The following CLPTM1L variants were observed in gnomAD, a reference collection of about 807,000 sequenced individuals.
CLPTM1L encodes CLPTM1 like.
Under a neutral mutation model 70.9 loss-of-function variants are expected in CLPTM1L, and 38 were observed. The observed-to-expected ratio is 0.54, with a 90% CI of 0.41 to 0.70. The LOEUF (loss-of-function observed/expected upper bound fraction) is 0.70. Among genes scored for constraint, CLPTM1L ranks in the 30% least tolerant of loss-of-function variants. The pLI is 0.00. For missense variants in CLPTM1L, 652 were observed against 705.9 expected (o/e 0.92, Z 0.87); for synonymous variants, 339 against 299.9 (o/e 1.13, Z -1.35).
rs866887290 is a variant in CLPTM1L at position 1,332,134 on chromosome 5, A to C, written c.892-251T>G. 6.0e-6 allele frequency: 3 copies of C among 501,850 alleles called. No homozygotes were observed. The East Asian group carries it at 1.0e-4, about 17-fold the overall frequency. The allele number at this position is 501,850 out of a possible 1,614,324, so 31.1% of individuals were successfully genotyped here. Reference sequence around the variant, plus strand: ...ACGTACCTTTGACTTGAACTGCTGGAAAGGCCCCCAGGCAATTGGAGGCTC... The same window carrying C: ...ACGTACCTTTGACTTGAACTGCTGGCAAGGCCCCCAGGCAATTGGAGGCTC... On this transcript the variant is annotated intron_variant, in intron 7 of 16. Transcript: ENST00000320895.
At chr5:1,327,614 G>A (rs977500636) in intron 9 of CLPTM1L, among the ~76,000 whole-genome samples, 1 of 149,084 alleles carries the variant, frequency 6.7e-6, no homozygotes. Context: ...ATTTCATCCA[G>A]CTCCTCCTCT....
At chr5:1,329,739 ACT>A (rs539432511) in intron 9 of CLPTM1L, among the ~76,000 whole-genome samples, 1 of 81,352 alleles carries the variant, frequency 1.2e-5, no homozygotes, top group South Asian at 4.0e-4. Flanking sequence ...GAGCCTCAGG[ACT>A]CTCTGCCTGG....
rs1184685800 is a variant in CLPTM1L, at chr5:1,330,463, G to T, written c.977-80C>A. On this transcript the variant is annotated intron_variant, in intron 8 of 16. Coordinates refer to ENST00000320895, the MANE Select transcript of CLPTM1L (RefSeq NM_030782.5). ...TCCCCAAGTCACACACATACCCCCA[G>T]TCCCCCATCCCAACCCACCACGCCC... The T allele has an allele frequency of 5.2e-6, 6 of 1,152,982 alleles. No individual in the cohort carries two copies. In the African/African-American group the frequency reaches 6.1e-5, roughly 12 times the overall value. 71.4% of individuals were successfully genotyped at this position (1,152,982 alleles called of 1,614,324 possible).
Position 1,331,896 on chromosome 5 carries a change from C to CA in CLPTM1L, c.892-14dup. On this transcript the variant is annotated splice_polypyrimidine_tract_variant and intron_variant, in intron 7 of 16. Coordinates refer to ENST00000320895, the MANE Select transcript of CLPTM1L (RefSeq NM_030782.5). Reference sequence around the variant, plus strand: ...AATCAAAGAGAAGCTAGAGAGAACACACACGACAGCAACTCACATCTCCTG... The same window carrying CA: ...AATCAAAGAGAAGCTAGAGAGAACACAACACGACAGCAACTCACATCTCCTG... 6.2e-6 allele frequency: 10 copies of CA among 1,605,180 alleles called. No individual in the cohort carries two copies. Among genetic ancestry groups the CA allele is most frequent in the Non-Finnish European group, 8.5e-6 (10 of 1,172,740 alleles).
intron 9 of CLPTM1L, among the ~76,000 whole-genome samples, chr5:1,328,733 A>G (rs1187297638): frequency 6.7e-6 from 1 of 149,566 alleles, no homozygotes; most frequent in Non-Finnish European, 1.5e-5. Context: ...TCCTCTACAG[A>G]CACATTTCAT....
In CLPTM1L at chr5:1,335,038, G is replaced by C. The variant is rs773447749; in HGVS notation, c.796+19C>G. On this transcript the variant is annotated intron_variant, in intron 6 of 16. Coordinates refer to ENST00000320895, the MANE Select transcript of CLPTM1L (RefSeq NM_030782.5). Reference sequence around the variant, plus strand: ...TCCAGGGCGGCCTCACCCAGGCGCCGGCCGTGTGCGGCACATACCGAACTG... The same window carrying C: ...TCCAGGGCGGCCTCACCCAGGCGCCCGCCGTGTGCGGCACATACCGAACTG... 6.2e-7 allele frequency: 1 copy of C among 1,602,130 alleles called. No homozygotes were observed. The highest frequency in any genetic ancestry group is 8.5e-7 in the Non-Finnish European group (1 of 1,170,912).
chr5:1,326,764 A>AT (rs1752596119), intron 9 of CLPTM1L, among the ~76,000 whole-genome samples: 4 of 39,140 alleles, frequency 1.0e-4, no homozygotes, highest in South Asian at 1.0e-3. Flanking sequence ...TACAGGGACA[A>AT]TCCATCCAGC....
intron 16 of CLPTM1L, 170 bp downstream of exon 16, chr5:1,320,446 G>A: frequency 2.0e-6 from 1 of 489,008 alleles, no homozygotes. Flanking sequence ...GACATATCAT[G>A]GGCAACTGGA....
Position 1,318,182 on chromosome 5 carries a change from C to A in CLPTM1L, c.*187G>T, listed in dbSNP as rs770794238. The A allele has an allele frequency of 6.7e-6, 4 of 600,938 alleles. No homozygotes were observed. The highest frequency in any genetic ancestry group is 4.0e-5 in the South Asian group (2 of 50,034). The allele number at this position is 600,938 out of a possible 1,614,324, so 37.2% of individuals were successfully genotyped here. On this transcript the variant is annotated 3_prime_UTR_variant, in exon 17 of 17. Coordinates refer to ENST00000320895, the MANE Select transcript of CLPTM1L (RefSeq NM_030782.5). This position sits in a 1 kb window ranked among gnomAD's most constrained non-coding sequence, Gnocchi z 8.9. ...TCTGTGACCAAGACAGATGTTCACA[C>A]GTGGGGGCATCGTAAGCGCTACCAG...
chr5:1,333,339 A>C (rs537354148), intron 7 of CLPTM1L, among the ~76,000 whole-genome samples: 2 of 130,344 alleles, frequency 1.5e-5, no homozygotes, highest in East Asian at 4.7e-4. Flanking sequence ...GGACTATTGT[A>C]TACACACCAC....
At chr5:1,330,406 G>A (rs1753010170) in intron 8 of CLPTM1L, 23 bp from the exon 9 acceptor site, 4 of 1,600,984 alleles carry the variant, frequency 2.5e-6, no homozygotes, top group Non-Finnish European at 1.7e-6. Flanking sequence ...TGGTCGGGCT[G>A]GGAGGGGGTG....
chr5:1,335,499 C>T (rs956904031), intron 5 of CLPTM1L, among the ~76,000 whole-genome samples: 1 of 152,206 alleles, frequency 6.6e-6, no homozygotes, highest in Non-Finnish European at 1.5e-5. Flanking sequence ...GTGGTGCTTG[C>T]CACCCAGCTG....
Position 1,341,727 on chromosome 5 carries a change from A to G in CLPTM1L, c.397T>C (p.Tyr133His), listed in dbSNP as rs1579657088. 1.2e-6 allele frequency: 2 copies of G among 1,613,970 alleles called. No homozygotes were observed. The highest frequency in any genetic ancestry group is 1.6e-4 in the Middle Eastern group (1 of 6,062). Residue 133 changes from tyrosine (Y) to histidine (H), a missense_variant, in exon 3 of 17, where the codon TAC becomes CAC. Tyr to His is a moderately conservative substitution (Grantham distance 83, BLOSUM62 2). This residue lies in a region of CLPTM1L where 402 missense variants were observed against 388.2 expected (regional missense o/e 1.04). Transcript: ENST00000320895. ...QVHLVSPLTT[Y>H]MVPKPEEINL... ...ATTTCTTCTGGCTTGGGGACCATGTAGGTGGTCAGAGGACTGACCAGGTGC... is the reference window on the plus strand; with the variant it reads ...ATTTCTTCTGGCTTGGGGACCATGTGGGTGGTCAGAGGACTGACCAGGTGC...
chr5:1,324,649 G>C, intron 11 of CLPTM1L, 114 bp downstream of exon 11: 1 of 1,051,788 alleles, frequency 9.5e-7, no homozygotes, highest in Non-Finnish European at 1.5e-6. Context: ...GCTCAAGGCG[G>C]GCTGACCCGT....
At chr5:1,328,959 C>G (rs531044100) in intron 9 of CLPTM1L, among the ~76,000 whole-genome samples, 2 of 152,150 alleles carry the variant, frequency 1.3e-5, no homozygotes, top group African/African-American at 4.8e-5. Context: ...AGCTCCTCCT[C>G]TACAGACACA....
chr5:1,342,010 GT>G lies in CLPTM1L; in HGVS notation c.264-151del. The G allele has an allele frequency of 3.7e-6, 1 of 270,672 alleles. No individual in the cohort carries two copies. The highest frequency in any genetic ancestry group is 6.3e-6 in the Non-Finnish European group (1 of 159,890). The allele number at this position is 270,672 out of a possible 1,614,324, so 16.8% of individuals were successfully genotyped here. ...CCACCTGCCCAGGGCTTTACGAGTC[GT>G]GTGTGTGTGTGTGTGTGTGTGTGTG... On this transcript the variant is annotated intron_variant, in intron 2 of 16. Coordinates refer to ENST00000320895, the MANE Select transcript of CLPTM1L (RefSeq NM_030782.5). This position sits in a 1 kb window ranked among gnomAD's most constrained non-coding sequence, Gnocchi z 4.3.
At chr5:1,334,475 C>T (rs889518798) in intron 6 of CLPTM1L, 92 bp from the exon 7 acceptor site, 14 of 895,216 alleles carry the variant, frequency 1.6e-5, no homozygotes, top group East Asian at 5.3e-5. Context: ...AAATTTAGGC[C>T]GGGCGCAGTG....
At chr5:1,335,936 C>T (rs1434804532) in intron 5 of CLPTM1L, among the ~76,000 whole-genome samples, 4 of 148,142 alleles carry the variant, frequency 2.7e-5, no homozygotes, top group African/African-American at 9.9e-5. Context: ...CCTGCCCTGC[C>T]TCAAGCCCTG....
At position 1,318,191 on chromosome 5, in the gene CLPTM1L, A is replaced by G. The variant is rs1044434; in HGVS notation, c.*178T>C. 0.02 allele frequency: 12,194 copies of G among 604,738 alleles called. 171 individuals are homozygous for G. Among genetic ancestry groups the G allele is most frequent in the Middle Eastern group, 0.032 (74 of 2,310 alleles). The allele number at this position is 604,738 out of a possible 1,614,324, so 37.5% of individuals were successfully genotyped here. A position where few individuals can be genotyped will look rare whatever the true frequency, so the allele number is the denominator to read the frequency against. ...AAGACAGATGTTCACACGTGGGGGC[A>G]TCGTAAGCGCTACCAGCTCCAAATC... On this transcript the variant is annotated 3_prime_UTR_variant, in exon 17 of 17. Transcript: ENST00000320895. The surrounding 1 kb of genome is among the most constrained non-coding windows in gnomAD (Gnocchi z 8.9).
Sources: gnomAD v4.1 joint callset for allele counts (sites outside exome capture counted in the v4.1 genomes callset) on GRCh38, gnomAD v4.1.1 for gene constraint, gnomAD v4.1.1 regional missense constraint, Gnocchi (gnomAD v3.1) non-coding constraint, MANE v1.5 for transcripts, NCBI Gene and HGNC (gene_info 2026-07-23, HGNC 2026-07-21) for gene names.